FAT1: variants seen among roughly 807,000 people sequenced by gnomAD.
FAT1 encodes the protein protocadherin Fat 1.
In FAT1, 171 loss-of-function variants were observed where a neutral mutation model predicts 329.8. The observed-to-expected ratio is 0.52, with a 90% confidence interval of 0.46 to 0.59. The LOEUF (loss-of-function observed/expected upper bound fraction) is 0.59, where lower values mean the gene tolerates loss of function less well. FAT1 is among the 20% of genes least tolerant of loss of function. The pLI is 0.00. For synonymous variants in FAT1, 2,233 were observed against 2,228.6 expected, an observed-to-expected ratio of 1.00 and a Z score of -0.06; for missense variants, 5,672 against 5,774.4, an observed-to-expected ratio of 0.98 and a Z score of 0.57.
chr4:186,716,523 G>C (rs1023223291), intron 1 of FAT1, among the ~76,000 whole-genome samples: 5 of 151,842 alleles, frequency 3.3e-5, no homozygotes, highest in African/African-American at 1.2e-4. Context: ...AACCTTCCAG[G>C]CTCAAGTGAT....
At chr4:186,633,921 A>C (rs1740706828) in intron 6 of FAT1, 98 bp from the exon 7 acceptor site, 2 of 1,327,880 alleles carry the variant, frequency 1.5e-6, no homozygotes, top group Non-Finnish European at 2.1e-6. Context: ...AAAATCTTCT[A>C]ATATACTAGC....
chr4:186,717,070 A>G (rs1442675679), intron 1 of FAT1, among the ~76,000 whole-genome samples: 2 of 152,164 alleles, frequency 1.3e-5, no homozygotes, highest in Non-Finnish European at 2.9e-5. Flanking sequence ...CCCAGCGTAA[A>G]TGGCTTTTTA....
In FAT1 at chr4:186,588,443, C is replaced by T; in HGVS notation, c.*149G>A. The T allele has an allele frequency of 1.1e-6, 1 of 909,734 alleles. No homozygotes were observed. The highest frequency in any genetic ancestry group is 1.6e-6 in the Non-Finnish European group (1 of 621,942). The allele number at this position is 909,734 out of a possible 1,614,324, so 56.4% of individuals were successfully genotyped here. A position where few individuals can be genotyped will look rare whatever the true frequency, so the allele number is the denominator to read the frequency against. On this transcript the variant is annotated 3_prime_UTR_variant, in exon 27 of 27. Coordinates refer to ENST00000441802, the MANE Select transcript of FAT1 (RefSeq NM_005245.4). The stretch of plus-strand genomic sequence containing the variant: ...ACAGTAGTTGGGACACTGGAAATGG[C>T]TAGCACGTCCAGAGGCGCAGGATCC...
At position 186,611,587 on chromosome 4, in the gene FAT1, C is replaced by T. The variant is rs1388615666; in HGVS notation, c.9652G>A (p.Val3218Ile). The T allele has an allele frequency of 1.9e-6, 3 of 1,613,800 alleles. No individual in the cohort carries two copies. The highest frequency in any genetic ancestry group is 2.5e-6 in the Non-Finnish European group (3 of 1,179,796). The change falls in exon 14 of 27, where the codon GTA becomes ATA. Residue 3218 changes from valine to isoleucine, a missense_variant. By Grantham distance (29) the Val-to-Ile change is conservative. Around this residue, in one of 2 missense-constraint regions of FAT1, gnomAD observed 1,706 missense variants for 1,859.1 expected, o/e 0.92. Transcript: ENST00000441802. ...TTGTCATTTATGTCAAGAACTGATA[C>T]AATCACAGTGCCAGTGGCAGTCAGC... ...RRLTATGTVI[V>I]SVLDINDNPP...
chr4:186,610,141 G>A lies in FAT1; in HGVS notation c.9854-126C>T, dbSNP rs139683610. 163 of 601,816 alleles carry A rather than the reference G, an allele frequency of 2.7e-4. 1 individual carries two copies. The highest frequency in any genetic ancestry group is 2.3e-3 in the African/African-American group (126 of 53,776). 37.3% of individuals were successfully genotyped at this position (601,816 alleles called of 1,614,324 possible). ...CTTCAAAAGTTTACTTACCATTTAC[G>A]TATGTTTCCTATTTTCTTAATTCAA... On this transcript the variant is annotated intron_variant, in intron 14 of 26. Transcript: ENST00000441802.
intron 3 of FAT1, among the ~76,000 whole-genome samples, chr4:186,649,513 T>C (rs1166448293): frequency 1.3e-5 from 2 of 152,104 alleles, no homozygotes; most frequent in Non-Finnish European, 2.9e-5. Flanking sequence ...CTAAATTCAA[T>C]AGCAAGAGTC....
At chr4:186,637,302 T>C (rs1321820249) in intron 4 of FAT1, among the ~76,000 whole-genome samples, 1 of 152,066 alleles carries the variant, frequency 6.6e-6, no homozygotes, top group African/African-American at 2.4e-5. Flanking sequence ...ATTTAAAGAG[T>C]CTTCTTAAAA....
intron 2 of FAT1, among the ~76,000 whole-genome samples, chr4:186,670,976 GATGTC>G (rs1742699653): frequency 6.6e-6 from 1 of 152,162 alleles, no homozygotes; most frequent in South Asian, 2.1e-4. Flanking sequence ...ACTCATGTAA[GATGTC>G]AACAACGTGA....
intron 26 of FAT1, chr4:186,590,473 G>T: frequency 9.2e-7 from 1 of 1,083,394 alleles, no homozygotes; most frequent in Non-Finnish European, 1.2e-6. Flanking sequence ...AGGCAATAAA[G>T]GTAAGTACAC....
rs2126685208 is a variant in FAT1 at position 186,707,058 on chromosome 4, G to C, written c.2770C>G (p.Pro924Ala). The change falls in exon 2 of 27, where the codon CCA (proline) becomes GCA (alanine). Residue 924 changes from proline (P) to alanine (A), a missense_variant. By Grantham distance (27) the Pro-to-Ala change is conservative. Around this residue, in one of 2 missense-constraint regions of FAT1, gnomAD observed 3,966 missense variants for 3,915.2 expected, o/e 1.01. Transcript: ENST00000441802. ...TAATTAGGTGGAATAAATGTAGGTG[G>C]GTTGTCATTAACATCTTCTAGTGAT... Reference protein sequence around the residue: ...KVSLEDVNDNPPTFIPPNYRV... With the variant: ...KVSLEDVNDNAPTFIPPNYRV... 6.2e-7 allele frequency: 1 copy of C among 1,613,936 alleles called. No individual in the cohort carries two copies. The highest frequency in any genetic ancestry group is 8.5e-7 in the Non-Finnish European group (1 of 1,179,878).
intron 20 of FAT1, among the ~76,000 whole-genome samples, chr4:186,602,478 G>C (rs901783501): frequency 6.6e-6 from 1 of 152,156 alleles, no homozygotes; most frequent in Non-Finnish European, 1.5e-5. Context: ...AGCCATGCTA[G>C]AAAATATTAT....
intron 1 of FAT1, among the ~76,000 whole-genome samples, chr4:186,716,557 A>G (rs1458982070): frequency 6.6e-6 from 1 of 151,866 alleles, no homozygotes; most frequent in Admixed American, 6.6e-5. Context: ...CCTCCGGGGT[A>G]CCTGGGCGTA....
At chr4:186,720,582 T>C (rs1208338988) in intron 1 of FAT1, among the ~76,000 whole-genome samples, 1 of 152,154 alleles carries the variant, frequency 6.6e-6, no homozygotes, top group African/African-American at 2.4e-5. Context: ...CTGCCCCAGA[T>C]CCCCCAGCTC....
At chr4:186,615,090 G>T (rs1455782156) in intron 11 of FAT1, among the ~76,000 whole-genome samples, 1 of 151,680 alleles carries the variant, frequency 6.6e-6, no homozygotes, top group East Asian at 1.9e-4. Context: ...AAAGGACTCA[G>T]GAAAAAGGGT....
intron 22 of FAT1, 73 bp downstream of exon 22, chr4:186,599,820 TAAAAA>T: frequency 8.8e-7 from 1 of 1,137,206 alleles, no homozygotes; most frequent in Non-Finnish European, 1.2e-6. Context: ...GAGAAAAAAA[TAAAAA>T]AATACCTGGG....
rs559544863 is a variant in FAT1 at position 186,588,949 on chromosome 4, G to A, written c.13410C>T (p.Ala4470=). Reference sequence around the variant, plus strand: ...TTGATGAAGAACCCAAGCTACCCGCGGCAGGCATGTCTCTAGGAGGGTGGA... The same window carrying A: ...TTGATGAAGAACCCAAGCTACCCGCAGCAGGCATGTCTCTAGGAGGGTGGA... The part of the protein sequence containing the change: ...ESIHPPRDMP[A]AGSLGSSSRN... Residue 4470 remains alanine (A), a synonymous_variant, in exon 27 of 27, where the codon GCC becomes GCT. Coordinates refer to ENST00000441802, the MANE Select transcript of FAT1 (RefSeq NM_005245.4). 35 of 1,613,950 alleles carry A rather than the reference G, an allele frequency of 2.2e-5. No homozygotes were observed. Among genetic ancestry groups the A allele is most frequent in the East Asian group, 4.5e-5 (2 of 44,876 alleles).
At chr4:186,695,720 T>A (rs1560998983) in intron 2 of FAT1, among the ~76,000 whole-genome samples, 1 of 151,748 alleles carries the variant, frequency 6.6e-6, no homozygotes. Flanking sequence ...GCAGATTTTT[T>A]AAACATGCTA....
rs1352193414 is a variant in FAT1, at chr4:186,636,906, C to T, written c.3651G>A (p.Val1217=). ...ATTTGGGGGGACTACCATTGTCTGT[C>T]ACAGTAACCTGTTTTTTTAAAGTTA... ...QQDEHILEVT[V]TDNGSPPKST... The change falls in exon 5 of 27, where the codon GTG becomes GTA. Residue 1217 remains valine, a synonymous_variant. Coordinates refer to ENST00000441802, the MANE Select transcript of FAT1 (RefSeq NM_005245.4). 6.3e-7 allele frequency: 1 copy of T among 1,597,382 alleles called. No homozygotes were observed. The highest frequency in any genetic ancestry group is 8.5e-7 in the Non-Finnish European group (1 of 1,174,208).
In FAT1 at chr4:186,609,190, C is replaced by T. The variant is rs775447002; in HGVS notation, c.10199G>A (p.Arg3400Gln). Reference protein sequence around the residue: ...GEVKVTKLLDRETISGYTLTV... With the variant: ...GEVKVTKLLDQETISGYTLTV... ...TCAACCTTTTTCACTTACCGTTTCT[C>T]GGTCGAGAAGTTTGGTCACTTTGAC... Residue 3400 changes from arginine to glutamine, a missense_variant, in exon 16 of 27, where the codon CGA becomes CAA. Around this residue, in one of 2 missense-constraint regions of FAT1, gnomAD observed 1,706 missense variants for 1,859.1 expected, o/e 0.92. Transcript: ENST00000441802. 6.2e-6 allele frequency: 10 copies of T among 1,611,052 alleles called. No homozygotes were observed. The highest frequency in any genetic ancestry group is 4.0e-5 in the African/African-American group (3 of 74,612).
Sources: allele counts gnomAD v4.1 joint callset (sites outside exome capture counted in the v4.1 genomes callset), GRCh38; gene constraint gnomAD v4.1.1; regional missense constraint gnomAD v4.1.1; transcripts MANE v1.5; gene names NCBI Gene and HGNC (gene_info 2026-07-23, HGNC 2026-07-21).